LINC00632: variants seen among roughly 807,000 people sequenced by gnomAD.
LINC00632 encodes the protein ALDOA related specific transcript.
chrX:140,719,651 C>T (rs1288797649), intron 2 of LINC00632, among the ~76,000 whole-genome samples: 3 of 110,266 alleles, frequency 2.7e-5, no homozygotes, highest in Non-Finnish European at 3.8e-5. Flanking sequence ...CTTCCTGCCA[C>T]GACTTCCCTC....
At chrX:140,760,176 G>A (rs1343134192) in intron 3 of LINC00632, among the ~76,000 whole-genome samples, 6 of 111,755 alleles carry the variant, frequency 5.4e-5, no homozygotes, top group African/African-American at 2.0e-4. Context: ...TCTCTTTAAG[G>A]AAAACAAGGA....
chrX:140,713,816 C>G (rs764132261), intron 2 of LINC00632: 1 of 323,916 alleles, frequency 3.1e-6, no homozygotes, highest in South Asian at 2.8e-5. Context: ...ACTGATGCAC[C>G]CCGCATGACA....
rs537521416 is a variant in LINC00632, at chrX:140,712,661, T to C, written n.104+1005T>C. Among the ~76,000 whole-genome samples the C allele has an allele frequency of 1.2e-4, 13 of 110,839 alleles. No homozygotes were observed. In the South Asian group the frequency reaches 5.0e-3, roughly 43 times the overall value. Reference sequence around the variant, plus strand: ...GGGACACACCCCAGTGAGCCACCTCTTTTCACTGCAGGTGTAAGGCTCAAG... The same window carrying C: ...GGGACACACCCCAGTGAGCCACCTCCTTTCACTGCAGGTGTAAGGCTCAAG... On this transcript the variant is annotated intron_variant and non_coding_transcript_variant, in intron 2 of 4. Transcript: ENST00000648200.
chrX:140,780,618 T>G (rs1389771902), exon 5 of LINC00632, among the ~76,000 whole-genome samples: 1 of 111,776 alleles, frequency 8.9e-6, no homozygotes, highest in Non-Finnish European at 1.9e-5. Context: ...AAATAGGGCC[T>G]GCTTTGCTTG....
chrX:140,731,153 G>A (rs190584219), intron 2 of LINC00632, among the ~76,000 whole-genome samples: 1 of 111,792 alleles, frequency 8.9e-6, no homozygotes, highest in East Asian at 2.8e-4. Context: ...CACCTGCCTT[G>A]GCCTCCCAAA....
At chrX:140,714,478 C>G (rs1227598478) in intron 2 of LINC00632, 5 of 112,454 alleles carry the variant, frequency 4.4e-5, no homozygotes, top group Non-Finnish European at 7.5e-5. Flanking sequence ...ACAAACTTGT[C>G]CTACAGTGCA....
intron 3 of LINC00632, among the ~76,000 whole-genome samples, chrX:140,745,133 A>G (rs1014532883): frequency 9.1e-6 from 1 of 110,246 alleles, no homozygotes; most frequent in African/African-American, 3.3e-5. Context: ...TGTAATCGCT[A>G]TATCTCAGTT....
chrX:140,724,270 G>A (rs111162818), intron 2 of LINC00632, among the ~76,000 whole-genome samples: 4,277 of 15,134 alleles, frequency 0.28, 283 homozygotes, highest in African/African-American at 0.44. Flanking sequence ...GACACATTCT[G>A]TACACACAGA....
At chrX:140,748,333 G>C (rs1453059005) in intron 3 of LINC00632, among the ~76,000 whole-genome samples, 1 of 112,001 alleles carries the variant, frequency 8.9e-6, no homozygotes, top group Admixed American at 9.5e-5. Context: ...TAAATGTTTG[G>C]GAAAATATGC....
At chrX:140,740,785 T>A (rs765327438) in intron 3 of LINC00632, among the ~76,000 whole-genome samples, 3 of 111,629 alleles carry the variant, frequency 2.7e-5, no homozygotes, top group Non-Finnish European at 5.6e-5. Context: ...GGCCCCACAT[T>A]TTCATTTTGC....
chrX:140,772,189 G>T (rs747487617), exon 4 of LINC00632: 2 of 293,852 alleles, frequency 6.8e-6, no homozygotes, highest in Non-Finnish European at 1.2e-5. Flanking sequence ...CTAAGTCCGC[G>T]CCTTTGAGAG....
chrX:140,726,776 T>A (rs180966322), intron 2 of LINC00632, among the ~76,000 whole-genome samples: 1 of 111,798 alleles, frequency 8.9e-6, no homozygotes, highest in East Asian at 2.8e-4. Context: ...TTGTAAGATA[T>A]AGATTTCTCA....
At chrX:140,771,030 A>C (rs909506683) in intron 3 of LINC00632, among the ~76,000 whole-genome samples, 2 of 111,889 alleles carry the variant, frequency 1.8e-5, no homozygotes, top group Admixed American at 1.9e-4. Flanking sequence ...CTCTAGAGAG[A>C]AAAAAGACTA....
intron 2 of LINC00632, chrX:140,711,900 G>T (rs986530268): frequency 1.6e-5 from 2 of 126,484 alleles, no homozygotes; most frequent in South Asian, 2.6e-4. Flanking sequence ...TTATTTAATT[G>T]CTTCATTTTT....
exon 5 of LINC00632, chrX:140,783,465 T>C: frequency 4.0e-6 from 3 of 752,824 alleles, no homozygotes; most frequent in Non-Finnish European, 5.8e-6. Context: ...CTTCCAATAA[T>C]TTCAAGGTCT....
At chrX:140,785,558 G>A (rs1051973756) in exon 5 of LINC00632, among the ~76,000 whole-genome samples, 15 of 112,291 alleles carry the variant, frequency 1.3e-4, no homozygotes, top group African/African-American at 4.5e-4. Context: ...ATACAATCCC[G>A]TATACAAATG....
At chrX:140,782,378 A>G (rs1602757452) in exon 5 of LINC00632, 3 of 111,825 alleles carry the variant, frequency 2.7e-5, no homozygotes, top group African/African-American at 9.8e-5. Flanking sequence ...ACATCCGTGC[A>G]TTCCAGTCCC....
chrX:140,757,510 T>C (rs1285360624), intron 3 of LINC00632, among the ~76,000 whole-genome samples: 2 of 111,502 alleles, frequency 1.8e-5, no homozygotes, highest in Non-Finnish European at 1.9e-5. Flanking sequence ...ACCAAAGAGA[T>C]AGGATCAAGC....
chrX:140,717,485 G>A (rs762048872), intron 2 of LINC00632, among the ~76,000 whole-genome samples: 3 of 110,298 alleles, frequency 2.7e-5, no homozygotes, highest in Non-Finnish European at 5.7e-5. Context: ...ACTGCACAGC[G>A]TCATATCACA....
Sources: gnomAD v4.1 joint callset for allele counts (sites outside exome capture counted in the v4.1 genomes callset) on GRCh38, gnomAD v4.1.1 for gene constraint, MANE v1.5 for transcripts, NCBI Gene and HGNC (gene_info 2026-07-23, HGNC 2026-07-21) for gene names.